Variants in WASF2 observed in about 807,000 individuals in gnomAD.
WASF2 encodes WASP family member 2.
WASF2 carries 14 observed loss-of-function variants against 45.0 expected under a neutral mutation model. The ratio of observed to expected loss-of-function variants is 0.31; its 90% CI spans 0.21 to 0.49. The LOEUF is 0.49. WASF2 is among the 20% of genes least tolerant of loss of function. WASF2 has a pLI of 0.99. For missense variants in WASF2, 439 were observed against 636.1 expected (o/e 0.69, Z 3.33); for synonymous variants, 200 against 236.3 (o/e 0.85, Z 1.41).
At chr1:27,442,000 G>A (rs2017243853) in intron 1 of WASF2, among the ~76,000 whole-genome samples, 1 of 150,906 alleles carries the variant, frequency 6.6e-6, no homozygotes, top group Non-Finnish European at 1.5e-5. Context: ...CAGCTACTCA[G>A]GAGGCTGAGG....
rs182442953 is a variant in WASF2, at chr1:27,480,824, C to T, written c.-44+9162G>A. Reference sequence around the variant, plus strand: ...GAGATCGAGACCATCCTGGCTAACACGGTGAAACCCCGTCTCTACTAAAAA... The same window carrying T: ...GAGATCGAGACCATCCTGGCTAACATGGTGAAACCCCGTCTCTACTAAAAA... On this transcript the variant is annotated intron_variant, in intron 1 of 8. Coordinates refer to ENST00000618852, the MANE Select transcript of WASF2 (RefSeq NM_006990.5). Among the ~76,000 whole-genome samples, 1,046 of 151,762 alleles carry T rather than the reference C, an allele frequency of 6.9e-3. 10 individuals carry two copies. The highest frequency in any genetic ancestry group is 0.013 in the Admixed American group (203 of 15,230).
intron 1 of WASF2, among the ~76,000 whole-genome samples, chr1:27,436,610 AT>A (rs936881802): frequency 6.6e-6 from 1 of 152,212 alleles, no homozygotes; most frequent in Admixed American, 6.5e-5. Context: ...TAAAGTATGA[AT>A]TTACTGTTGC....
At chr1:27,454,161 A>G (rs1445334644) in intron 1 of WASF2, among the ~76,000 whole-genome samples, 2 of 89,242 alleles carry the variant, frequency 2.2e-5, no homozygotes, top group African/African-American at 1.1e-4. Context: ...GTGTATATAT[A>G]TATATATATA....
At chr1:27,436,526 G>A (rs1358434222) in intron 1 of WASF2, among the ~76,000 whole-genome samples, 1 of 152,104 alleles carries the variant, frequency 6.6e-6, no homozygotes. Flanking sequence ...TTGGAAAGTC[G>A]AATAGTCATT....
intron 1 of WASF2, among the ~76,000 whole-genome samples, chr1:27,449,871 T>C (rs1233967486): frequency 6.6e-6 from 1 of 151,834 alleles, no homozygotes; most frequent in African/African-American, 2.4e-5. Context: ...TGGCTGGGCA[T>C]GGTGGCTCAC....
At chr1:27,428,711 G>A (rs1216263777) in intron 2 of WASF2, 50 bp downstream of exon 2, 2 of 1,613,580 alleles carry the variant, frequency 1.2e-6, no homozygotes, top group Non-Finnish European at 1.7e-6. Flanking sequence ...ACTAAATAAA[G>A]AGCACCAACG....
At chr1:27,461,160 A>C (rs1277997164) in intron 1 of WASF2, among the ~76,000 whole-genome samples, 3 of 152,170 alleles carry the variant, frequency 2.0e-5, no homozygotes, top group Non-Finnish European at 4.4e-5. Context: ...CACAAAAACA[A>C]ACAACAAAAA....
Position 27,446,569 on chromosome 1 carries a change from C to T in WASF2, c.-43-17636G>A, listed in dbSNP as rs150020297. Among the ~76,000 whole-genome samples the T allele has an allele frequency of 2.1e-3, 322 of 152,034 alleles. 1 individual carries two copies. Among genetic ancestry groups the T allele is most frequent in the African/African-American group, 7.6e-3 (314 of 41,460 alleles). On this transcript the variant is annotated intron_variant, in intron 1 of 8. Transcript: ENST00000618852. Reference sequence around the variant, plus strand: ...GCTGAGGCAGGCAGATCACTTGAGCCCAGGAGTTGGAGGCCAGCCTTGGTA... The same window carrying T: ...GCTGAGGCAGGCAGATCACTTGAGCTCAGGAGTTGGAGGCCAGCCTTGGTA...
At chr1:27,430,772 G>A (rs1218327503) in intron 1 of WASF2, among the ~76,000 whole-genome samples, 1 of 151,120 alleles carries the variant, frequency 6.6e-6, no homozygotes, top group Non-Finnish European at 1.5e-5. Context: ...CGAATAGCTG[G>A]GCCAAGTCCC....
intron 1 of WASF2, among the ~76,000 whole-genome samples, chr1:27,439,925 G>A (rs563529745): frequency 5.1e-4 from 77 of 152,212 alleles, no homozygotes; most frequent in African/African-American, 1.7e-3. Flanking sequence ...ACTTTAACGC[G>A]GGACGTTGAA....
intron 1 of WASF2, among the ~76,000 whole-genome samples, chr1:27,487,488 A>T (rs1458128997): frequency 8.8e-6 from 1 of 113,138 alleles, no homozygotes; most frequent in Non-Finnish European, 1.7e-5. Flanking sequence ...ATAAATATAT[A>T]TTATATAATA....
chr1:27,452,883 T>C (rs374353410), intron 1 of WASF2, among the ~76,000 whole-genome samples: 2 of 151,426 alleles, frequency 1.3e-5, no homozygotes, highest in Admixed American at 6.6e-5. Flanking sequence ...ACTCATGATA[T>C]AGCAAATGTC....
At chr1:27,437,811 TGTC>T (rs2017157268) in intron 1 of WASF2, among the ~76,000 whole-genome samples, 1 of 152,206 alleles carries the variant, frequency 6.6e-6, no homozygotes, top group Non-Finnish European at 1.5e-5. Flanking sequence ...TTTCAGCCAT[TGTC>T]ATCAACTGAA....
chr1:27,409,816 G>C lies in WASF2; in HGVS notation c.1215C>G (p.Pro405=). The C allele has an allele frequency of 6.4e-7, 1 of 1,563,754 alleles. No individual in the cohort carries two copies. Among genetic ancestry groups the C allele is most frequent in the Non-Finnish European group, 8.7e-7 (1 of 1,153,542 alleles). The change falls in exon 8 of 9, where the codon CCC becomes CCG. Residue 405 remains proline, a synonymous_variant. Transcript: ENST00000618852. ...GCTGGCCATCTGCACCAGTGAAAGGGGGAGGAGGGGGCCCCGGAGGAGGAG... is the reference window on the plus strand; with the variant it reads ...GCTGGCCATCTGCACCAGTGAAAGGCGGAGGAGGGGGCCCCGGAGGAGGAG... ...PPPPPPGPPP[P]PFTGADGQPA...
At chr1:27,465,308 G>A (rs1030161185) in intron 1 of WASF2, among the ~76,000 whole-genome samples, 3 of 152,178 alleles carry the variant, frequency 2.0e-5, no homozygotes, top group Non-Finnish European at 4.4e-5. Context: ...TTAATGAGCT[G>A]TTTTTAAGCA....
chr1:27,455,177 G>A (rs981509133), intron 1 of WASF2, among the ~76,000 whole-genome samples: 2 of 152,042 alleles, frequency 1.3e-5, no homozygotes, highest in Non-Finnish European at 2.9e-5. Flanking sequence ...ATATATCACT[G>A]CAGTTTTAAT....
At chr1:27,457,227 G>A (rs2017481745) in intron 1 of WASF2, 1 of 152,002 alleles carries the variant, frequency 6.6e-6, no homozygotes, top group South Asian at 2.1e-4. Flanking sequence ...TCTTTTCCTA[G>A]GAGCTTGTCC....
At chr1:27,463,351 C>T (rs191681397) in intron 1 of WASF2, among the ~76,000 whole-genome samples, 2 of 151,984 alleles carry the variant, frequency 1.3e-5, no homozygotes, top group African/African-American at 4.8e-5. Context: ...TGATACTGGC[C>T]GGATGCGGTG....
chr1:27,471,103 G>C (rs1376857945), intron 1 of WASF2, among the ~76,000 whole-genome samples: 1 of 152,120 alleles, frequency 6.6e-6, no homozygotes, highest in Admixed American at 6.5e-5. Context: ...CCAGCACTTT[G>C]GGAGGCCGAG....
Sources: allele counts gnomAD v4.1 joint callset (sites outside exome capture counted in the v4.1 genomes callset), GRCh38; gene constraint gnomAD v4.1.1; transcripts MANE v1.5; gene names NCBI Gene and HGNC (gene_info 2026-07-23, HGNC 2026-07-21).